The following CACNA2D1 variants were observed in gnomAD, a reference collection of about 807,000 sequenced individuals.
CACNA2D1 encodes voltage-dependent calcium channel subunit alpha-2/delta-1.
CACNA2D1 carries 53 observed loss-of-function variants against 171.5 expected under a neutral mutation model. That is an observed-to-expected ratio of 0.31 (90% CI 0.25 to 0.39). The LOEUF (loss-of-function observed/expected upper bound fraction) is 0.39. CACNA2D1 is among the 10% of genes least tolerant of loss of function. CACNA2D1 has a pLI of 1.00. For missense variants in CACNA2D1, 903 were observed against 1,299.8 expected, an observed-to-expected ratio of 0.69 and a Z score of 4.69; for synonymous variants, 442 against 443.1, an observed-to-expected ratio of 1.00 and a Z score of 0.03.
Position 82,349,577 on chromosome 7 carries a change from C to T in CACNA2D1, c.168G>A (p.Gln56=), listed in dbSNP as rs761109570. The T allele has an allele frequency of 4.3e-6, 7 of 1,613,100 alleles. No homozygotes were observed. The highest frequency in any genetic ancestry group is 5.9e-6 in the Non-Finnish European group (7 of 1,179,180). ...GGTGGATTTTACTCACATCAACAAG[C>T]TGATTGACTCCACTTGCTGTTTTTG... The part of the protein sequence containing the change: ...TLAKTASGVN[Q]LVDIYEKYQD... Residue 56 remains glutamine (Q), a synonymous_variant, in exon 2 of 39, where the codon CAG becomes CAA. Transcript: ENST00000356860.
intron 1 of CACNA2D1, among the ~76,000 whole-genome samples, chr7:82,356,420 A>G (rs773610447): frequency 3.2e-4 from 49 of 152,122 alleles, no homozygotes; most frequent in Non-Finnish European, 5.9e-5. Flanking sequence ...ATATTCTAAT[A>G]TCACCTTTCA....
At position 82,371,378 on chromosome 7, in the gene CACNA2D1, C is replaced by T. The variant is rs1272228461; in HGVS notation, c.96-21729G>A. On this transcript the variant is annotated intron_variant, in intron 1 of 38. Transcript: ENST00000356860. ...TACATCATCATTTTAAAAATTAGGCCAGTAATGGCACGTAATTCACAAGGT... is the reference window on the plus strand; with the variant it reads ...TACATCATCATTTTAAAAATTAGGCTAGTAATGGCACGTAATTCACAAGGT... Among the ~76,000 whole-genome samples the T allele has an allele frequency of 5.1e-4, 78 of 151,890 alleles. 2 individuals carry two copies. The highest frequency in any genetic ancestry group is 5.1e-3 in the Admixed American group (78 of 15,244).
intron 11 of CACNA2D1, among the ~76,000 whole-genome samples, chr7:82,036,973 T>C (rs1803353889): frequency 6.6e-6 from 1 of 152,150 alleles, no homozygotes; most frequent in Admixed American, 6.5e-5. Context: ...GTGGACAATC[T>C]TATGCACAAT....
At chr7:82,278,955 A>T (rs560186785) in intron 3 of CACNA2D1, among the ~76,000 whole-genome samples, 3 of 152,316 alleles carry the variant, frequency 2.0e-5, no homozygotes, top group East Asian at 3.9e-4. Flanking sequence ...GGCTTCTAGG[A>T]ACCTAAGCAA....
intron 3 of CACNA2D1, among the ~76,000 whole-genome samples, chr7:82,296,149 A>C (rs1563326648): frequency 1.3e-5 from 2 of 151,858 alleles, no homozygotes; most frequent in African/African-American, 4.8e-5. Flanking sequence ...TAGGAGATAT[A>C]CCTAATGCTG....
chr7:82,113,520 T>C (rs1397084892), intron 6 of CACNA2D1, among the ~76,000 whole-genome samples: 1 of 152,130 alleles, frequency 6.6e-6, no homozygotes, highest in African/African-American at 2.4e-5. Context: ...ACTTTAAATA[T>C]ATCATTGAGC....
At chr7:82,287,708 C>A (rs1321726111) in intron 3 of CACNA2D1, among the ~76,000 whole-genome samples, 1 of 152,168 alleles carries the variant, frequency 6.6e-6, no homozygotes, top group Admixed American at 6.5e-5. Context: ...CTCTCTCTGA[C>A]AACCCTTTTA....
intron 1 of CACNA2D1, among the ~76,000 whole-genome samples, chr7:82,384,643 G>A (rs1053688534): frequency 7.2e-6 from 1 of 139,428 alleles, no homozygotes; most frequent in African/African-American, 3.1e-5. Context: ...GAAGAAGAGG[G>A]AGGAAAAAAG....
intron 26 of CACNA2D1, among the ~76,000 whole-genome samples, chr7:81,971,514 G>A (rs983294208): frequency 6.6e-6 from 1 of 151,566 alleles, no homozygotes; most frequent in Non-Finnish European, 1.5e-5. Context: ...AGCACAAACA[G>A]AAACACACAA....
intron 10 of CACNA2D1, among the ~76,000 whole-genome samples, chr7:82,059,274 A>C (rs1402443197): frequency 6.6e-6 from 1 of 152,196 alleles, no homozygotes; most frequent in Non-Finnish European, 1.5e-5. Context: ...TATGAATTAA[A>C]ATGACACATG....
chr7:82,268,997 A>G (rs140465949), intron 3 of CACNA2D1, among the ~76,000 whole-genome samples: 170 of 152,328 alleles, frequency 1.1e-3, no homozygotes, highest in African/African-American at 3.6e-3. Flanking sequence ...AGTTTTAAAA[A>G]GAAAGTTGAT....
At chr7:82,357,861 TAA>T (rs58172656) in intron 1 of CACNA2D1, among the ~76,000 whole-genome samples, 9 of 118,226 alleles carry the variant, frequency 7.6e-5, no homozygotes, top group African/African-American at 2.4e-4. Context: ...TAAAGTATAA[TAA>T]AAAAAAAAAA....
chr7:82,237,391 A>G (rs1803724429), intron 3 of CACNA2D1, among the ~76,000 whole-genome samples: 2 of 151,962 alleles, frequency 1.3e-5, no homozygotes, highest in South Asian at 4.1e-4. Context: ...GGCAAAACAT[A>G]CAGACACACA....
intron 3 of CACNA2D1, among the ~76,000 whole-genome samples, chr7:82,218,890 T>C (rs1801459735): frequency 6.6e-6 from 1 of 152,110 alleles, no homozygotes; most frequent in African/African-American, 2.4e-5. Context: ...AATTTTTAAA[T>C]ATTTCTATAT....
intron 3 of CACNA2D1, among the ~76,000 whole-genome samples, chr7:82,273,723 A>T (rs1808940098): frequency 6.6e-6 from 1 of 152,210 alleles, no homozygotes; most frequent in African/African-American, 2.4e-5. Context: ...AATGAAGGGT[A>T]TAATTCCAAT....
intron 3 of CACNA2D1, among the ~76,000 whole-genome samples, chr7:82,219,686 A>G: frequency 6.6e-6 from 1 of 152,156 alleles, no homozygotes; most frequent in East Asian, 1.9e-4. Flanking sequence ...CTGTCATAAT[A>G]GTTAAAATAA....
intron 6 of CACNA2D1, among the ~76,000 whole-genome samples, chr7:82,113,033 TA>T (rs1563067819): frequency 6.6e-6 from 1 of 152,122 alleles, no homozygotes; most frequent in Non-Finnish European, 1.5e-5. Context: ...ATCTTCATGA[TA>T]AAAGTATGTT....
intron 10 of CACNA2D1, among the ~76,000 whole-genome samples, chr7:82,044,049 T>C (rs1804259232): frequency 6.6e-6 from 1 of 152,196 alleles, no homozygotes; most frequent in Non-Finnish European, 1.5e-5. Flanking sequence ...CTTTTTAAAA[T>C]TATTTTTAGT....
intron 7 of CACNA2D1, among the ~76,000 whole-genome samples, chr7:82,081,006 A>C (rs1809690111): frequency 6.6e-6 from 1 of 152,172 alleles, no homozygotes; most frequent in Non-Finnish European, 1.5e-5. Context: ...AGGAGTTATT[A>C]ATGTTCCACT....
Sources: gnomAD v4.1 joint callset for allele counts (sites outside exome capture counted in the v4.1 genomes callset) on GRCh38, gnomAD v4.1.1 for gene constraint, MANE v1.5 for transcripts, NCBI Gene and HGNC (gene_info 2026-07-23, HGNC 2026-07-21) for gene names.